ST6GAL1: variants seen among roughly 807,000 people sequenced by gnomAD.
ST6GAL1 encodes the protein beta-galactoside alpha-2,6-sialyltransferase 1.
In ST6GAL1, 20 loss-of-function variants were observed where a neutral mutation model predicts 38.0. The observed-to-expected ratio is 0.53, with a 90% CI of 0.37 to 0.77. The LOEUF (loss-of-function observed/expected upper bound fraction) is 0.77. ST6GAL1 is among the 30% of genes least tolerant of loss of function. The pLI is 0.00. For missense variants in ST6GAL1, 432 were observed against 496.4 expected, an observed-to-expected ratio of 0.87 and a Z score of 1.23; for synonymous variants, 196 against 188.2, an observed-to-expected ratio of 1.04 and a Z score of -0.34.
chr3:187,007,703 G>T (rs3872721), intron 2 of ST6GAL1, among the ~76,000 whole-genome samples: 4 of 152,136 alleles, frequency 2.6e-5, no homozygotes, highest in African/African-American at 7.2e-5. Flanking sequence ...GGAAAAGACA[G>T]TTCAATAGGC....
intron 1 of ST6GAL1, among the ~76,000 whole-genome samples, chr3:186,946,466 C>T (rs527628779): frequency 4.6e-5 from 7 of 152,156 alleles, no homozygotes; most frequent in South Asian, 4.2e-4. Flanking sequence ...ACTGTAGACT[C>T]GATCTCCCGG....
chr3:187,060,043 G>A (rs1455190547), intron 5 of ST6GAL1, among the ~76,000 whole-genome samples: 1 of 152,132 alleles, frequency 6.6e-6, no homozygotes, highest in Non-Finnish European at 1.5e-5. Context: ...GTACAGTTTT[G>A]TGTGGAAGGA....
intron 5 of ST6GAL1, chr3:187,064,563 A>G (rs770876717): frequency 2.2e-6 from 1 of 456,648 alleles, no homozygotes; most frequent in Non-Finnish European, 4.4e-6. Flanking sequence ...AAGGTGGCCC[A>G]CTTCCCGGGA....
intron 5 of ST6GAL1, chr3:187,064,540 C>T (rs1719028910): frequency 2.2e-6 from 1 of 456,592 alleles, no homozygotes; most frequent in African/African-American, 2.0e-5. Flanking sequence ...ACCATTGTGC[C>T]AGGGCTGCGA....
chr3:187,007,308 A>C (rs1052578735), intron 2 of ST6GAL1, among the ~76,000 whole-genome samples: 1 of 152,236 alleles, frequency 6.6e-6, no homozygotes, highest in African/African-American at 2.4e-5. Context: ...TGGACTGACA[A>C]AAGTCCTGGG....
chr3:187,005,745 C>T (rs182423234), intron 2 of ST6GAL1, among the ~76,000 whole-genome samples: 4 of 152,128 alleles, frequency 2.6e-5, no homozygotes, highest in South Asian at 2.1e-4. Context: ...TAAAATAATA[C>T]GTATTTTGAA....
intron 5 of ST6GAL1, among the ~76,000 whole-genome samples, chr3:187,071,645 C>T (rs1294814139): frequency 2.0e-5 from 3 of 151,616 alleles, no homozygotes; most frequent in South Asian, 2.1e-4. Context: ...TCTGTAGTCC[C>T]AACTGCTTGG....
chr3:186,999,755 G>A (rs950928777), intron 2 of ST6GAL1, among the ~76,000 whole-genome samples: 2 of 152,202 alleles, frequency 1.3e-5, no homozygotes, highest in Non-Finnish European at 2.9e-5. Context: ...GGAGGGCCAT[G>A]TGCGTGCTCT....
At position 187,075,567 on chromosome 3, in the gene ST6GAL1, A is replaced by T. The variant is rs1415193030; in HGVS notation, c.985A>T (p.Ile329Phe). Reference protein sequence around the residue: ...NPPSSGMLGIIIMMTLCDQVD... With the variant: ...NPPSSGMLGIFIMMTLCDQVD... ...ACCTCTGCTCCCCTCTCCAGGTATCATCATCATGATGACGCTGTGTGACCA... is the reference window on the plus strand; with the variant it reads ...ACCTCTGCTCCCCTCTCCAGGTATCTTCATCATGATGACGCTGTGTGACCA... Residue 329 changes from isoleucine (I) to phenylalanine (F), a missense_variant, in exon 8 of 8, where the codon ATC (isoleucine) becomes TTC (phenylalanine). By Grantham distance (21) the Ile-to-Phe change is conservative. Transcript: ENST00000169298. This position sits in a 1 kb window ranked among gnomAD's most constrained non-coding sequence, Gnocchi z 4.1. 2 of 1,613,986 alleles carry T rather than the reference A, an allele frequency of 1.2e-6. No individual in the cohort carries two copies. The highest frequency in any genetic ancestry group is 1.7e-6 in the Non-Finnish European group (2 of 1,179,966).
At chr3:187,022,484 A>G (rs1241114653) in intron 2 of ST6GAL1, among the ~76,000 whole-genome samples, 1 of 152,226 alleles carries the variant, frequency 6.6e-6, no homozygotes, top group East Asian at 1.9e-4. Flanking sequence ...AGTAGGAAGG[A>G]ATGCCTGAGT....
chr3:186,995,667 G>A (rs1017716694), intron 2 of ST6GAL1, among the ~76,000 whole-genome samples: 4 of 151,408 alleles, frequency 2.6e-5, no homozygotes, highest in Non-Finnish European at 5.9e-5. Context: ...AACATGGCGA[G>A]ACCCCATCTC....
chr3:187,029,521 A>C (rs531277841), intron 2 of ST6GAL1, among the ~76,000 whole-genome samples: 2 of 152,306 alleles, frequency 1.3e-5, no homozygotes, highest in Non-Finnish European at 2.9e-5. Flanking sequence ...ACAAGTAGCA[A>C]ATTCATCACA....
chr3:187,009,062 A>C (rs1716873010), intron 2 of ST6GAL1, among the ~76,000 whole-genome samples: 2 of 151,714 alleles, frequency 1.3e-5, no homozygotes, highest in African/African-American at 4.8e-5. Flanking sequence ...TCTATTTGTG[A>C]AATTGCCCAC....
intron 2 of ST6GAL1, chr3:187,024,805 A>AT (rs1717469679): frequency 6.6e-6 from 1 of 152,212 alleles, no homozygotes; most frequent in South Asian, 2.1e-4. Flanking sequence ...ATGGCACATC[A>AT]TCCAGTCATC....
intron 2 of ST6GAL1, among the ~76,000 whole-genome samples, chr3:187,001,171 G>C (rs1716604331): frequency 6.6e-6 from 1 of 152,170 alleles, no homozygotes. Context: ...AAGCGAGGTA[G>C]AACTCAGTGT....
At chr3:187,035,709 A>G (rs2108575279) in intron 2 of ST6GAL1, among the ~76,000 whole-genome samples, 1 of 152,390 alleles carries the variant, frequency 6.6e-6, no homozygotes, top group Non-Finnish European at 1.5e-5. Context: ...CATATGCAGA[A>G]GAATGAAACT....
intron 2 of ST6GAL1, among the ~76,000 whole-genome samples, chr3:187,007,194 C>T (rs368861074): frequency 1.3e-5 from 2 of 152,282 alleles, no homozygotes; most frequent in East Asian, 1.9e-4. Flanking sequence ...TCCGAGATAA[C>T]TCCATCTTTC....
rs532873074 is a variant in ST6GAL1, at chr3:187,047,634, G to A, written c.608-3615G>A. ...CTTTTTTCTGCAGCCTTTCCCCCTC[G>A]CTAGGCTTGTTTGCTGGGATCTCAG... On this transcript the variant is annotated intron_variant, in intron 4 of 7. Coordinates refer to ENST00000169298, the MANE Select transcript of ST6GAL1 (RefSeq NM_173216.2). Among the ~76,000 whole-genome samples the A allele has an allele frequency of 1.3e-4, 20 of 151,862 alleles. No individual in the cohort carries two copies. The South Asian group carries it at 3.1e-3, about 24-fold the overall frequency.
At chr3:186,968,262 T>A (rs1016826342) in intron 2 of ST6GAL1, among the ~76,000 whole-genome samples, 5 of 152,298 alleles carry the variant, frequency 3.3e-5, no homozygotes, top group Admixed American at 3.3e-4. Context: ...GAATAATACC[T>A]ACCTTGAGTG....
Sources: gnomAD v4.1 joint callset for allele counts (sites outside exome capture counted in the v4.1 genomes callset) on GRCh38, gnomAD v4.1.1 for gene constraint, Gnocchi (gnomAD v3.1) non-coding constraint, MANE v1.5 for transcripts, NCBI Gene and HGNC (gene_info 2026-07-23, HGNC 2026-07-21) for gene names.